The following C1orf21 variants were observed in gnomAD, a reference collection of about 807,000 sequenced individuals.
The protein encoded by C1orf21 is uncharacterized protein C1orf21.
In C1orf21, 3 loss-of-function variants were observed where a neutral mutation model predicts 18.7. The ratio of observed to expected loss-of-function variants is 0.16; its 90% CI spans 0.07 to 0.42. The LOEUF (loss-of-function observed/expected upper bound fraction) is 0.42, where lower values mean the gene tolerates loss of function less well. Among genes scored for constraint, C1orf21 ranks in the 10% least tolerant of loss-of-function variants. The pLI, the probability that C1orf21 is intolerant of heterozygous loss-of-function variation, is 0.99. For missense variants in C1orf21, 104 were observed against 143.6 expected, an observed-to-expected ratio of 0.72 and a Z score of 1.41; for synonymous variants, 41 against 46.4, an observed-to-expected ratio of 0.88 and a Z score of 0.47.
intron 3 of C1orf21, among the ~76,000 whole-genome samples, chr1:184,568,723 A>G (rs1168327039): frequency 1.3e-5 from 2 of 152,128 alleles, no homozygotes; most frequent in Non-Finnish European, 2.9e-5. Context: ...TTTTTCTCCC[A>G]TGGAGCCACA....
Position 184,626,130 on chromosome 1 carries a change from C to T in C1orf21, c.*6574C>T, listed in dbSNP as rs992058967. ...TCATTTATTTCTGGAGCCCCTGGTA[C>T]ACTCCAGGCACTGCGCTAATTGCCA... On this transcript the variant is annotated 3_prime_UTR_variant, in exon 6 of 6. Coordinates refer to ENST00000235307, the MANE Select transcript of C1orf21 (RefSeq NM_030806.4). 2.0e-5 allele frequency: 3 copies of T among 152,136 alleles called. No homozygotes were observed. The highest frequency in any genetic ancestry group is 7.2e-5 in the African/African-American group (3 of 41,422). The allele number at this position is 152,136 out of a possible 1,614,324, so 9.4% of individuals were successfully genotyped here.
chr1:184,419,396 C>T (rs1384031689), intron 1 of C1orf21, among the ~76,000 whole-genome samples: 2 of 152,058 alleles, frequency 1.3e-5, no homozygotes, highest in Non-Finnish European at 2.9e-5. Context: ...ACCAGTTTAC[C>T]ATGCAGGGAG....
chr1:184,421,884 C>CTATGGTGCT (rs1656551948), intron 1 of C1orf21, among the ~76,000 whole-genome samples: 1 of 151,990 alleles, frequency 6.6e-6, no homozygotes, highest in Admixed American at 6.5e-5. Flanking sequence ...TGACCATTGT[C>CTATGGTGCT]TATGGTGCTT....
intron 1 of C1orf21, among the ~76,000 whole-genome samples, chr1:184,445,164 A>T (rs1657009388): frequency 6.6e-6 from 1 of 152,110 alleles, no homozygotes; most frequent in East Asian, 1.9e-4. Flanking sequence ...TTTGCAGAGG[A>T]CTGACGTTAG....
At chr1:184,517,132 C>G (rs1212838489) in intron 3 of C1orf21, among the ~76,000 whole-genome samples, 1 of 146,240 alleles carries the variant, frequency 6.8e-6, no homozygotes, top group Admixed American at 7.3e-5. Flanking sequence ...CGTCATATTA[C>G]TCTATTTGTT....
At chr1:184,459,495 A>G (rs1657269801) in intron 1 of C1orf21, among the ~76,000 whole-genome samples, 1 of 152,188 alleles carries the variant, frequency 6.6e-6, no homozygotes. Flanking sequence ...CTTTCTTATA[A>G]CAGAAATTTA....
intron 3 of C1orf21, among the ~76,000 whole-genome samples, chr1:184,565,667 C>A (rs148616078): frequency 6.6e-6 from 1 of 152,256 alleles, no homozygotes; most frequent in African/African-American, 2.4e-5. Context: ...TACCATATTT[C>A]TCTCACGAAG....
chr1:184,590,293 G>C lies in C1orf21; in HGVS notation c.190-446G>C, dbSNP rs140677407. ...TGTCGTGGGTTTTAGTCATGTTCCT[G>C]TTCCTGTCACGGCTAGGGCCTTCAG... On this transcript the variant is annotated intron_variant, in intron 3 of 5. Transcript: ENST00000235307. Among the ~76,000 whole-genome samples the C allele has an allele frequency of 3.0e-4, 46 of 152,300 alleles. No homozygotes were observed. The East Asian group carries it at 8.7e-3, about 29-fold the overall frequency.
rs1368565476 is a variant in C1orf21, at chr1:184,620,344, T to C, written c.*788T>C. Reference sequence around the variant, plus strand: ...TTTATGGATCCTTGTCTTCTCCCATTCATCCAGCTCAGTGTTTTAAGATGA... The same window carrying C: ...TTTATGGATCCTTGTCTTCTCCCATCCATCCAGCTCAGTGTTTTAAGATGA... On this transcript the variant is annotated 3_prime_UTR_variant, in exon 6 of 6. Transcript: ENST00000235307. The C allele has an allele frequency of 6.6e-6, 1 of 152,590 alleles. No homozygotes were observed. Among genetic ancestry groups the C allele is most frequent in the African/African-American group, 2.4e-5 (1 of 41,438 alleles). 9.5% of individuals were successfully genotyped at this position (152,590 alleles called of 1,614,324 possible). A position where few individuals can be genotyped will look rare whatever the true frequency, so the allele number is the denominator to read the frequency against.
chr1:184,483,498 C>T (rs1234417074), intron 2 of C1orf21, among the ~76,000 whole-genome samples: 1 of 152,158 alleles, frequency 6.6e-6, no homozygotes, highest in Non-Finnish European at 1.5e-5. Flanking sequence ...CTTTTCTGCG[C>T]TTTTTCTGTT....
intron 1 of C1orf21, among the ~76,000 whole-genome samples, chr1:184,439,414 T>G (rs1388507939): frequency 6.6e-6 from 1 of 150,640 alleles, no homozygotes; most frequent in Non-Finnish European, 1.5e-5. Context: ...ATCTAGTATG[T>G]GATACTACCC....
intron 1 of C1orf21, among the ~76,000 whole-genome samples, chr1:184,445,349 TC>T (rs1657012491): frequency 6.6e-6 from 1 of 151,140 alleles, no homozygotes; most frequent in Non-Finnish European, 1.5e-5. Flanking sequence ...CAGACCTCTC[TC>T]TCTCTCTCTC....
At chr1:184,487,423 C>A (rs1257042832) in intron 2 of C1orf21, among the ~76,000 whole-genome samples, 1 of 152,190 alleles carries the variant, frequency 6.6e-6, no homozygotes, top group Admixed American at 6.5e-5. Context: ...TCATGATTAT[C>A]CCTACTTGAT....
chr1:184,590,769 A>C lies in C1orf21; in HGVS notation c.220A>C (p.Lys74Gln), dbSNP rs751343261. Residue 74 changes from lysine (K) to glutamine (Q), a missense_variant, in exon 4 of 6, where the codon AAA (lysine) becomes CAA (glutamine). Physicochemically the swap from Lys to Gln is moderately conservative, Grantham distance 53 (BLOSUM62 1). Coordinates refer to ENST00000235307, the MANE Select transcript of C1orf21 (RefSeq NM_030806.4). The stretch of plus-strand genomic sequence containing the variant: ...AAGTGCCAGCTCAAATGTAAGACTT[A>C]AAACTAATAAAGAGGTTCCGGGATT... The part of the protein sequence containing the change: ...EKSASSNVRL[K>Q]TNKEVPGLVH... The C allele has an allele frequency of 6.2e-7, 1 of 1,614,152 alleles. No homozygotes were observed. The highest frequency in any genetic ancestry group is 8.5e-7 in the Non-Finnish European group (1 of 1,179,994).
chr1:184,489,781 T>G (rs1657790095), intron 2 of C1orf21, among the ~76,000 whole-genome samples: 1 of 152,218 alleles, frequency 6.6e-6, no homozygotes, highest in Non-Finnish European at 1.5e-5. Flanking sequence ...TTGTTTAAAA[T>G]ATATGTAAAA....
intron 5 of C1orf21, among the ~76,000 whole-genome samples, chr1:184,601,915 T>C (rs1012763543): frequency 6.6e-6 from 1 of 151,286 alleles, no homozygotes; most frequent in Non-Finnish European, 1.5e-5. Context: ...AAAAAAATAA[T>C]AAAATAAAAT....
chr1:184,576,943 C>G (rs773139531), intron 3 of C1orf21, among the ~76,000 whole-genome samples: 10 of 152,174 alleles, frequency 6.6e-5, no homozygotes, highest in Non-Finnish European at 1.2e-4. Context: ...CAGCCAGGAG[C>G]CAAGCCAGTG....
intron 1 of C1orf21, among the ~76,000 whole-genome samples, chr1:184,438,472 C>G (rs1557972282): frequency 6.6e-6 from 1 of 152,134 alleles, no homozygotes; most frequent in Non-Finnish European, 1.5e-5. Context: ...CCCTCAAGTT[C>G]CATAGTGCAA....
intron 3 of C1orf21, among the ~76,000 whole-genome samples, chr1:184,510,703 G>A (rs1195052618): frequency 1.3e-5 from 2 of 152,184 alleles, no homozygotes; most frequent in Non-Finnish European, 2.9e-5. Flanking sequence ...ACCCAGATGG[G>A]CTAATGTATA....
Sources: gnomAD v4.1 joint callset for allele counts (sites outside exome capture counted in the v4.1 genomes callset) on GRCh38, gnomAD v4.1.1 for gene constraint, MANE v1.5 for transcripts, NCBI Gene and HGNC (gene_info 2026-07-23, HGNC 2026-07-21) for gene names.